Variants in ZBTB17 observed in about 807,000 individuals in gnomAD.
ZBTB17 encodes the protein zinc finger and BTB domain containing 17.
In ZBTB17, 24 loss-of-function variants were observed where a neutral mutation model predicts 85.1. The ratio of observed to expected loss-of-function variants is 0.28; its 90% CI spans 0.20 to 0.40. The LOEUF (loss-of-function observed/expected upper bound fraction) is 0.40, where lower values mean the gene tolerates loss of function less well. Among genes scored for constraint, ZBTB17 ranks in the 10% least tolerant of loss-of-function variants. The pLI is 1.00. For missense variants in ZBTB17, 743 were observed against 1,105.1 expected (o/e 0.67, Z 4.65); for synonymous variants, 464 against 460.2 (o/e 1.01, Z -0.11).
rs749217418 is a variant in ZBTB17, at chr1:15,944,578, C to G, written c.1093G>C (p.Glu365Gln). 4 of 1,598,556 alleles carry G rather than the reference C, an allele frequency of 2.5e-6. No homozygotes were observed. Among genetic ancestry groups the G allele is most frequent in the Non-Finnish European group, 3.4e-6 (4 of 1,179,068 alleles). Residue 365 changes from glutamate to glutamine, a missense_variant, in exon 9 of 16, where the codon GAG becomes CAG. Physicochemically the swap from Glu to Gln is conservative, Grantham distance 29. Coordinates refer to ENST00000375743, the MANE Select transcript of ZBTB17 (RefSeq NM_003443.3). ...THSPLKPYGC[E>Q]ECGKSYRLIS... ...AGGCGGTAGCTCTTCCCGCACTCCT[C>G]GCAGCCGTAGGGCTTCAGAGGGCTG...
Position 15,947,008 on chromosome 1 carries a change from G to C in ZBTB17, c.321C>G (p.Ala107=), listed in dbSNP as rs1194201488. ...CAGCAAGTGACTTGAGGGCATGGCAGGCCGTGATGATGTCCTGCATTTGGA... is the reference window on the plus strand; with the variant it reads ...CAGCAAGTGACTTGAGGGCATGGCACGCCGTGATGATGTCCTGCATTTGGA... ...TFLQMQDIIT[A]CHALKSLAEP... Residue 107 remains alanine, a synonymous_variant, in exon 4 of 16, where the codon GCC becomes GCG. Transcript: ENST00000375743. The C allele has an allele frequency of 6.2e-7, 1 of 1,614,112 alleles. No individual in the cohort carries two copies.
At chr1:15,974,643 C>A (rs1330034727) in intron 1 of ZBTB17, among the ~76,000 whole-genome samples, 1 of 151,610 alleles carries the variant, frequency 6.6e-6, no homozygotes, top group Non-Finnish European at 1.5e-5. Context: ...GGCGCCGTTT[C>A]GGCTCACTGC....
intron 12 of ZBTB17, 84 bp downstream of exon 12, chr1:15,943,315 G>A (rs1314764003): frequency 3.8e-6 from 6 of 1,588,178 alleles, no homozygotes; most frequent in Middle Eastern, 1.7e-4. Context: ...AGTCAGCTCA[G>A]TCCCCAGCCA....
At chr1:15,974,894 A>T (rs2072808869) in intron 1 of ZBTB17, among the ~76,000 whole-genome samples, 1 of 152,168 alleles carries the variant, frequency 6.6e-6, no homozygotes, top group Admixed American at 6.5e-5. Flanking sequence ...TTCTTTATTT[A>T]GCCTGATCTC....
intron 2 of ZBTB17, among the ~76,000 whole-genome samples, chr1:15,967,107 G>C (rs1465410184): frequency 6.6e-6 from 1 of 152,088 alleles, no homozygotes; most frequent in Non-Finnish European, 1.5e-5. Flanking sequence ...CACCACCCCT[G>C]CTCGCACCTG....
At chr1:15,947,923 C>A (rs2071679824) in intron 3 of ZBTB17, among the ~76,000 whole-genome samples, 1 of 152,242 alleles carries the variant, frequency 6.6e-6, no homozygotes, top group Non-Finnish European at 1.5e-5. Flanking sequence ...CATCACCTCT[C>A]CCCACGCTTC....
Position 15,945,596 on chromosome 1 carries a change from T to A in ZBTB17, c.661+119A>T, listed in dbSNP as rs1018268861. The A allele has an allele frequency of 5.0e-6, 7 of 1,413,856 alleles. No homozygotes were observed. The African/African-American group carries it at 1.0e-4, about 20-fold the overall frequency. The allele number at this position is 1,413,856 out of a possible 1,614,324, so 87.6% of individuals were successfully genotyped here. ...CAAGGTGTCCCAAAGCTGAAGTGCA[T>A]GGTGACTCCAGGTGGGACTAGCTGG... On this transcript the variant is annotated intron_variant, in intron 6 of 15. Coordinates refer to ENST00000375743, the MANE Select transcript of ZBTB17 (RefSeq NM_003443.3).
At chr1:15,954,040 T>C (rs1450336856) in intron 2 of ZBTB17, among the ~76,000 whole-genome samples, 17 of 152,306 alleles carry the variant, frequency 1.1e-4, no homozygotes, top group Middle Eastern at 3.4e-3. Flanking sequence ...AAATGCAATC[T>C]GGAAGAATTC....
At chr1:15,944,639 G>A in intron 8 of ZBTB17, 39 bp from the exon 9 acceptor site, 3 of 1,600,852 alleles carry the variant, frequency 1.9e-6, no homozygotes, top group Non-Finnish European at 2.5e-6. Context: ...GGGCTCGCTG[G>A]GGCGTGAAAG....
At chr1:15,970,372 A>G (rs1186846979) in intron 2 of ZBTB17, among the ~76,000 whole-genome samples, 1 of 2,304 alleles carries the variant, frequency 4.3e-4, no homozygotes, top group Non-Finnish European at 1.4e-3. Flanking sequence ...TTAAAGAAGA[A>G]AAAAAAAAAA....
intron 2 of ZBTB17, among the ~76,000 whole-genome samples, chr1:15,962,525 G>A (rs545064435): frequency 4.4e-4 from 67 of 152,200 alleles, no homozygotes; most frequent in Non-Finnish European, 8.7e-4. Context: ...CACCCCCATT[G>A]AGCAGATGAG....
chr1:15,957,637 C>T (rs900505275), intron 2 of ZBTB17, among the ~76,000 whole-genome samples: 1 of 152,020 alleles, frequency 6.6e-6, no homozygotes, highest in East Asian at 1.9e-4. Context: ...AAAGACAGAC[C>T]GCAAGGAGGC....
In ZBTB17 at chr1:15,943,904, A is replaced by AG. The variant is rs1298030482; in HGVS notation, c.1372-10dup. ...GCCTTCAGGTTCCCTACCTGTGCCC[A>AG]GGGAGGGGTCAGGGGGGCCACCCCA... On this transcript the variant is annotated splice_polypyrimidine_tract_variant and intron_variant, in intron 9 of 15. Coordinates refer to ENST00000375743, the MANE Select transcript of ZBTB17 (RefSeq NM_003443.3). 1 of 1,587,782 alleles carries AG rather than the reference A, an allele frequency of 6.3e-7. No homozygotes were observed. Among genetic ancestry groups the AG allele is most frequent in the African/African-American group, 1.3e-5 (1 of 74,408 alleles).
Position 15,943,697 on chromosome 1 carries a change from A to G in ZBTB17, c.1478T>C (p.Leu493Pro). 6.2e-7 allele frequency: 1 copy of G among 1,613,234 alleles called. No individual in the cohort carries two copies. Among genetic ancestry groups the G allele is most frequent in the Non-Finnish European group, 8.5e-7 (1 of 1,179,918 alleles). ...FTTSGNLKRHLRIHSGEKPYV... is the reference protein window; with the variant it reads ...FTTSGNLKRHPRIHSGEKPYV... ...GGGCTTCTCCCCGCTGTGGATCCGAAGGTGCCGCTTCAGGTTCCCTGTGGC... is the reference window on the plus strand; with the variant it reads ...GGGCTTCTCCCCGCTGTGGATCCGAGGGTGCCGCTTCAGGTTCCCTGTGGC... Residue 493 changes from leucine (L) to proline (P), a missense_variant, in exon 11 of 16, where the codon CTT (leucine) becomes CCT (proline). By Grantham distance (98) the Leu-to-Pro change is moderately conservative. This residue lies in a region of ZBTB17 where 321 missense variants were observed against 615.7 expected (regional missense o/e 0.52). Transcript: ENST00000375743.
chr1:15,967,619 T>C (rs1382046997), intron 2 of ZBTB17, among the ~76,000 whole-genome samples: 3 of 152,196 alleles, frequency 2.0e-5, no homozygotes, highest in African/African-American at 7.2e-5. Flanking sequence ...TGCATTCCCA[T>C]AGTAAATGTT....
intron 3 of ZBTB17, chr1:15,948,082 T>C: frequency 1.6e-6 from 1 of 635,238 alleles, no homozygotes; most frequent in South Asian, 1.8e-5. Flanking sequence ...TTCCTGCCCG[T>C]TCTCCCCTTA....
At chr1:15,969,807 G>A in intron 2 of ZBTB17, 1 of 535,910 alleles carries the variant, frequency 1.9e-6, no homozygotes, top group Non-Finnish European at 3.6e-6. Flanking sequence ...TCCCTCCCCA[G>A]CTTCCCCTGG....
rs1247512178 is a variant in ZBTB17 at position 15,945,771 on chromosome 1, G to A, written c.605C>T (p.Thr202Met). The A allele has an allele frequency of 2.5e-6, 4 of 1,606,212 alleles. No individual in the cohort carries two copies. Among genetic ancestry groups the A allele is most frequent in the Admixed American group, 3.3e-5 (2 of 59,950 alleles). ...AGCTTCTGCAGCAGCCATGCCACTC[G>A]TGGGGTCTGGCTTGAGCTCCACAGG... ...PPPVELKPDP[T>M]SGMAAAEAEA... The change falls in exon 6 of 16, where the codon ACG becomes ATG. Residue 202 changes from threonine to methionine, a missense_variant. Thr to Met is a moderately conservative substitution (Grantham distance 81). Coordinates refer to ENST00000375743, the MANE Select transcript of ZBTB17 (RefSeq NM_003443.3).
intron 2 of ZBTB17, among the ~76,000 whole-genome samples, chr1:15,960,132 T>C (rs2072204722): frequency 6.6e-6 from 1 of 152,166 alleles, no homozygotes; most frequent in African/African-American, 2.4e-5. Context: ...CACGCAACTG[T>C]GGGGGGCTTG....
Sources: gnomAD v4.1 joint callset for allele counts (sites outside exome capture counted in the v4.1 genomes callset) on GRCh38, gnomAD v4.1.1 for gene constraint, gnomAD v4.1.1 regional missense constraint, MANE v1.5 for transcripts, NCBI Gene and HGNC (gene_info 2026-07-23, HGNC 2026-07-21) for gene names.